Variants in TMEM18 observed in about 807,000 individuals in gnomAD.
TMEM18 encodes transmembrane protein 18.
A neutral mutation model predicts 17.4 loss-of-function variants in TMEM18; 14 were observed. The ratio of observed to expected loss-of-function variants is 0.80; its 90% CI spans 0.53 to 1.25. The LOEUF is 1.25. Among genes scored for constraint, TMEM18 ranks in the 50% most tolerant of loss-of-function variants. The probability of loss-of-function intolerance (pLI) is 0.00; values close to 1 mark genes in which losing one functional copy is unlikely to be tolerated. For missense variants in TMEM18, 187 were observed against 172.1 expected (o/e 1.09, Z -0.48); for synonymous variants, 86 against 66.1 (o/e 1.30, Z -1.46).
intron 2 of TMEM18, among the ~76,000 whole-genome samples, chr2:675,309 C>A (rs940578877): frequency 3.3e-5 from 5 of 152,244 alleles, no homozygotes; most frequent in African/African-American, 1.2e-4. Context: ...TCAACAGATT[C>A]CTCTCAACTC....
At position 672,804 on chromosome 2, in the gene TMEM18, T is replaced by C. The variant is rs751186025; in HGVS notation, c.233+4A>G. On this transcript the variant is annotated splice_donor_region_variant and intron_variant, in intron 3 of 4. Coordinates refer to ENST00000281017, the MANE Select transcript of TMEM18 (RefSeq NM_152834.4). ...CCTGGTCACAGGCCCGGGGGTGGGC[T>C]CACCTCCAGTTCATCGCAGCCGCCT... 4 of 1,468,108 alleles carry C rather than the reference T, an allele frequency of 2.7e-6. No individual in the cohort carries two copies. Among genetic ancestry groups the C allele is most frequent in the East Asian group, 5.5e-5 (2 of 36,242 alleles). The allele number at this position is 1,468,108 out of a possible 1,614,324, so 90.9% of individuals were successfully genotyped here.
In TMEM18 at chr2:672,793, C is replaced by CG. The variant is rs1678889435; in HGVS notation, c.233+14dup. ...CCCTGCAGGGACCTGGTCACAGGCC[C>CG]GGGGGTGGGCTCACCTCCAGTTCAT... On this transcript the variant is annotated intron_variant, in intron 3 of 4. Transcript: ENST00000281017. 2.1e-6 allele frequency: 3 copies of CG among 1,460,628 alleles called. No homozygotes were observed. In the South Asian group the frequency reaches 4.5e-5, roughly 22 times the overall value. The allele number at this position is 1,460,628 out of a possible 1,614,324, so 90.5% of individuals were successfully genotyped here.
rs960005745 is a variant in TMEM18 at position 666,696 on chromosome 2, G to A, written c.*2884C>T. On this transcript the variant is annotated 3_prime_UTR_variant, in exon 5 of 5. Transcript: ENST00000281017. ...TGGGTGCTCTTCTCTGCCCTGGCTC[G>A]CTCCCTTCCTGCCTCCGAGAACTCT... Among the ~76,000 whole-genome samples, 17 of 152,092 alleles carry A rather than the reference G, an allele frequency of 1.1e-4. No homozygotes were observed. The highest frequency in any genetic ancestry group is 3.6e-4 in the African/African-American group (15 of 41,404).
intron 1 of TMEM18, chr2:676,124 T>C (rs1196099092): frequency 2.3e-6 from 3 of 1,324,206 alleles, no homozygotes; most frequent in Admixed American, 2.3e-5. Flanking sequence ...TCAGGGAATC[T>C]TGAGCCATCG....
In TMEM18 at chr2:669,085, C is replaced by T. The variant is rs1678767553; in HGVS notation, c.*495G>A. The T allele has an allele frequency of 6.5e-6, 1 of 154,432 alleles. No homozygotes were observed. The highest frequency in any genetic ancestry group is 1.4e-5 in the Non-Finnish European group (1 of 69,660). 9.6% of individuals were successfully genotyped at this position (154,432 alleles called of 1,614,324 possible). ...CACAGGAGAAGCCAGGAGCACCACC[C>T]CCTCCAGTGACAACCAGGTGTCTCC... On this transcript the variant is annotated 3_prime_UTR_variant, in exon 5 of 5. Coordinates refer to ENST00000281017, the MANE Select transcript of TMEM18 (RefSeq NM_152834.4).
Position 666,756 on chromosome 2 carries a change from G to A in TMEM18, c.*2824C>T, listed in dbSNP as rs975247275. ...GCCCAGCCCCGTCCTCCCCAGGACC[G>A]ACTTGCTGGTGTAGTCGACCAGCAA... On this transcript the variant is annotated 3_prime_UTR_variant, in exon 5 of 5. Coordinates refer to ENST00000281017, the MANE Select transcript of TMEM18 (RefSeq NM_152834.4). Among the ~76,000 whole-genome samples the A allele has an allele frequency of 5.3e-5, 8 of 152,054 alleles. 1 individual carries two copies. The highest frequency in any genetic ancestry group is 3.3e-4 in the Admixed American group (5 of 15,272).
In TMEM18 at chr2:666,731, G is replaced by A. The variant is rs1483007409; in HGVS notation, c.*2849C>T. 1.3e-5 allele frequency among the ~76,000 whole-genome samples: 2 copies of A among 152,148 alleles called. No homozygotes were observed. Among genetic ancestry groups the A allele is most frequent in the South Asian group, 2.1e-4 (1 of 4,824 alleles). On this transcript the variant is annotated 3_prime_UTR_variant, in exon 5 of 5. Coordinates refer to ENST00000281017, the MANE Select transcript of TMEM18 (RefSeq NM_152834.4). ...TGCCTCCGAGAACTCTGCATGTGGAGCCCAGCCCCGTCCTCCCCAGGACCG... is the reference window on the plus strand; with the variant it reads ...TGCCTCCGAGAACTCTGCATGTGGAACCCAGCCCCGTCCTCCCCAGGACCG...
At position 674,790 on chromosome 2, in the gene TMEM18, G is replaced by C. The variant is rs567999329; in HGVS notation, c.178+720C>G. ...GTGTCTCCCCAATGTTGAGAGTCAA[G>C]AGTAGCCTGAGCCAGGCCTCCAGGC... On this transcript the variant is annotated intron_variant, in intron 2 of 4. Transcript: ENST00000281017. Among the ~76,000 whole-genome samples, 15 of 152,346 alleles carry C rather than the reference G, an allele frequency of 9.8e-5. No individual in the cohort carries two copies. In the South Asian group the frequency reaches 3.1e-3, roughly 32 times the overall value.
chr2:677,157 G>T, intron 1 of TMEM18, 132 bp downstream of exon 1: 1 of 1,183,668 alleles, frequency 8.4e-7, no homozygotes, highest in Non-Finnish European at 1.2e-6. Context: ...CCTGCCCAGC[G>T]CGCGCGCTCC....
chr2:665,433 C>G lies in TMEM18; in HGVS notation c.*4147G>C, dbSNP rs1286644890. ...TAATCAACCCCACATACAACAGGAC[C>G]CAGAGATGCAGATGCTCCACTCACT... On this transcript the variant is annotated 3_prime_UTR_variant, in exon 5 of 5. Transcript: ENST00000281017. 6.6e-6 allele frequency among the ~76,000 whole-genome samples: 1 copy of G among 151,028 alleles called. No homozygotes were observed. Among genetic ancestry groups the G allele is most frequent in the Non-Finnish European group, 1.5e-5 (1 of 67,868 alleles).
chr2:675,405 G>C, intron 2 of TMEM18, 105 bp downstream of exon 2: 1 of 1,519,658 alleles, frequency 6.6e-7, no homozygotes. Context: ...AGAGGGTTGG[G>C]AGGTCTTGTA....
intron 3 of TMEM18, chr2:670,883 A>T (rs1254358562): frequency 6.6e-6 from 1 of 152,416 alleles, no homozygotes; most frequent in Non-Finnish European, 1.5e-5. Flanking sequence ...ACGCTTCCCC[A>T]GGATGCCCAA....
rs768407108 is a variant in TMEM18, at chr2:675,612, G to A, written c.76C>T (p.Pro26Ser). The stretch of plus-strand genomic sequence containing the variant: ...AAGGTGGCCAGCCCCATGAGCCAGG[G>A]CTCAGTCCAGTCCGTCTGCTGTAGG... ...AVLTQTDWTE[P>S]WLMGLATFHA... Residue 26 changes from proline to serine, a missense_variant, in exon 2 of 5, where the codon CCC (proline) becomes TCC (serine). By Grantham distance (74) the Pro-to-Ser change is moderately conservative. Transcript: ENST00000281017. 5 of 1,613,956 alleles carry A rather than the reference G, an allele frequency of 3.1e-6. No individual in the cohort carries two copies. In the East Asian group the frequency reaches 6.7e-5, roughly 22 times the overall value.
At chr2:669,920 T>G in intron 3 of TMEM18, 70 bp from the exon 4 acceptor site, 1 of 1,244,118 alleles carries the variant, frequency 8.0e-7, no homozygotes, top group Non-Finnish European at 1.1e-6. Flanking sequence ...ACCGTCTATT[T>G]AGATAAGACT....
At chr2:670,530 G>A (rs1678813564) in intron 3 of TMEM18, 1 of 152,710 alleles carries the variant, frequency 6.5e-6, no homozygotes, top group South Asian at 2.1e-4. Context: ...CGCCTTGTGA[G>A]CATGGGGCTC....
rs771274683 is a variant in TMEM18 at position 669,822 on chromosome 2, A to G, written c.262T>C (p.Ser88Pro). 2.5e-6 allele frequency: 4 copies of G among 1,613,580 alleles called. No individual in the cohort carries two copies. The highest frequency in any genetic ancestry group is 3.4e-6 in the Non-Finnish European group (4 of 1,179,968). ...RLFSKYQYFD[S>P]RGMFISIVFS... The stretch of plus-strand genomic sequence containing the variant: ...ACTATAGAAATGAACATCCCCCTGG[A>G]GTCGAAATACTGGTATTTCGAAAAT... The change falls in exon 4 of 5, where the codon TCC becomes CCC. Residue 88 changes from serine to proline, a missense_variant. Coordinates refer to ENST00000281017, the MANE Select transcript of TMEM18 (RefSeq NM_152834.4).
chr2:667,014 C>CTTT lies in TMEM18; in HGVS notation c.*2563_*2565dup, dbSNP rs34894161. On this transcript the variant is annotated 3_prime_UTR_variant, in exon 5 of 5. Transcript: ENST00000281017. ...CTTACCCTGAATTCCACCCCCAGCC[C>CTTT]TTTTTTTTTTTTTTTAACATTTATT... 1.1e-4 allele frequency among the ~76,000 whole-genome samples: 16 copies of CTTT among 140,814 alleles called. No homozygotes were observed. Among genetic ancestry groups the CTTT allele is most frequent in the African/African-American group, 3.4e-4 (13 of 38,156 alleles). The allele number at this position is 140,814 out of a possible 152,430, so 92.4% of individuals were successfully genotyped here. A position where few individuals can be genotyped will look rare whatever the true frequency, so the allele number is the denominator to read the frequency against.
In TMEM18 at chr2:663,946, C is replaced by G. The variant is rs571975870; in HGVS notation, c.*5634G>C. Among the ~76,000 whole-genome samples the G allele has an allele frequency of 6.6e-6, 1 of 152,318 alleles. No individual in the cohort carries two copies. The highest frequency in any genetic ancestry group is 2.1e-4 in the South Asian group (1 of 4,832). Reference sequence around the variant, plus strand: ...GTGTCACAGTTCTTGGCAAGTAAATCCATTCCTAGGTAAACCATGGCTTCT... The same window carrying G: ...GTGTCACAGTTCTTGGCAAGTAAATGCATTCCTAGGTAAACCATGGCTTCT... On this transcript the variant is annotated 3_prime_UTR_variant, in exon 5 of 5. Transcript: ENST00000281017.
chr2:672,980 C>T (rs1678895157), intron 2 of TMEM18, 118 bp from the exon 3 acceptor site: 1 of 975,558 alleles, frequency 1.0e-6, no homozygotes, highest in Non-Finnish European at 1.5e-6. Flanking sequence ...TTAAACATAA[C>T]ATCAGGTAAA....
Sources: allele counts gnomAD v4.1 joint callset (sites outside exome capture counted in the v4.1 genomes callset), GRCh38; gene constraint gnomAD v4.1.1; transcripts MANE v1.5; gene names NCBI Gene and HGNC (gene_info 2026-07-23, HGNC 2026-07-21).